The following KHDRBS2 variants were observed in gnomAD, a reference collection of about 807,000 sequenced individuals.
KHDRBS2 encodes KH RNA binding domain containing, signal transduction associated 2.
In KHDRBS2, 26 loss-of-function variants were observed where a neutral mutation model predicts 44.3. The observed-to-expected ratio is 0.59, with a 90% confidence interval of 0.43 to 0.81. KHDRBS2 has a LOEUF of 0.81. Among genes scored for constraint, KHDRBS2 ranks in the 40% least tolerant of loss-of-function variants. KHDRBS2 has a pLI of 0.00. For missense variants in KHDRBS2, 476 were observed against 433.1 expected, an observed-to-expected ratio of 1.10 and a Z score of -0.88; for synonymous variants, 194 against 151.1, an observed-to-expected ratio of 1.28 and a Z score of -2.08.
At chr6:61,619,771 T>A in the KHDRBS2 span, among the ~76,000 whole-genome samples, 1 of 152,152 alleles carries the variant, frequency 6.6e-6, no homozygotes, top group South Asian at 2.1e-4. Flanking sequence ...TTTTAATGGC[T>A]GAGTAGTATT....
intron 2 of KHDRBS2, among the ~76,000 whole-genome samples, chr6:62,113,934 ACT>A (rs1398234961): frequency 6.6e-6 from 1 of 152,084 alleles, no homozygotes; most frequent in Non-Finnish European, 1.5e-5. Flanking sequence ...GTTTTAACTG[ACT>A]CACAGTTCCG....
At chr6:61,570,937 C>T in the KHDRBS2 span, among the ~76,000 whole-genome samples, 1 of 151,888 alleles carries the variant, frequency 6.6e-6, no homozygotes, top group Non-Finnish European at 1.5e-5. Context: ...TGATACAAAA[C>T]CTTAAAATAC....
chr6:61,889,068 C>T (rs1264507151), intron 6 of KHDRBS2, among the ~76,000 whole-genome samples: 1 of 152,012 alleles, frequency 6.6e-6, no homozygotes, highest in African/African-American at 2.4e-5. Flanking sequence ...TCAAAGGGTC[C>T]ATAACTTATC....
At chr6:61,897,493 A>T (rs1803127419) in intron 5 of KHDRBS2, among the ~76,000 whole-genome samples, 1 of 152,206 alleles carries the variant, frequency 6.6e-6, no homozygotes, top group South Asian at 2.1e-4. Flanking sequence ...TTAGTTAATG[A>T]TATCATCAAT....
At chr6:61,560,455 G>A in the KHDRBS2 span, among the ~76,000 whole-genome samples, 1 of 151,878 alleles carries the variant, frequency 6.6e-6, no homozygotes, top group East Asian at 1.9e-4. Context: ...ACTCCTTTGA[G>A]GCTATTTTCT....
chr6:61,570,708 A>G, the KHDRBS2 span, among the ~76,000 whole-genome samples: 1 of 152,194 alleles, frequency 6.6e-6, no homozygotes, highest in East Asian at 1.9e-4. Flanking sequence ...CCTATCAGAT[A>G]AACAGCAGAT....
At chr6:62,066,205 A>T (rs1296720242) in intron 2 of KHDRBS2, among the ~76,000 whole-genome samples, 3 of 151,726 alleles carry the variant, frequency 2.0e-5, no homozygotes, top group East Asian at 2.0e-4. Flanking sequence ...TCAAAAGCAA[A>T]CCCTATTTTT....
chr6:62,211,357 T>C (rs958055646), intron 1 of KHDRBS2, among the ~76,000 whole-genome samples: 10 of 152,214 alleles, frequency 6.6e-5, no homozygotes, highest in African/African-American at 1.9e-4. Flanking sequence ...AGTTAATATA[T>C]ATAAATTAAC....
chr6:61,909,815 T>C (rs965651341), intron 4 of KHDRBS2, among the ~76,000 whole-genome samples: 4 of 152,230 alleles, frequency 2.6e-5, no homozygotes, highest in African/African-American at 9.6e-5. Context: ...TGCCAGGTAA[T>C]GACAGGTGTA....
At chr6:61,928,180 A>C (rs1328773289) in intron 4 of KHDRBS2, among the ~76,000 whole-genome samples, 1 of 152,158 alleles carries the variant, frequency 6.6e-6, no homozygotes, top group Admixed American at 6.5e-5. Context: ...TGTGATTGTT[A>C]TCAACTCACA....
intron 6 of KHDRBS2, among the ~76,000 whole-genome samples, chr6:61,838,091 T>G (rs1793008057): frequency 2.0e-5 from 3 of 152,042 alleles, no homozygotes; most frequent in African/African-American, 7.2e-5. Flanking sequence ...TTTAATCAAA[T>G]TCTTTCTACT....
chr6:62,075,167 A>T (rs898301924), intron 2 of KHDRBS2, among the ~76,000 whole-genome samples: 1 of 151,810 alleles, frequency 6.6e-6, no homozygotes, highest in Non-Finnish European at 1.5e-5. Flanking sequence ...TTGAAACCTA[A>T]CCTCCAAGGT....
chr6:62,206,098 T>A (rs1827916796), intron 1 of KHDRBS2, among the ~76,000 whole-genome samples: 1 of 152,178 alleles, frequency 6.6e-6, no homozygotes, highest in Admixed American at 6.6e-5. Flanking sequence ...TCATGCTATT[T>A]AAAATACTTG....
intron 1 of KHDRBS2, among the ~76,000 whole-genome samples, chr6:62,232,708 T>C (rs1563105381): frequency 1.3e-5 from 2 of 152,180 alleles, no homozygotes; most frequent in Admixed American, 6.5e-5. Context: ...TTATCTTCTT[T>C]TGTCCAGTTT....
chr6:61,612,686 TA>T, the KHDRBS2 span, among the ~76,000 whole-genome samples: 2 of 152,154 alleles, frequency 1.3e-5, no homozygotes, highest in African/African-American at 4.8e-5. Context: ...AAAATTCTAT[TA>T]ATTTATGGAC....
At chr6:61,984,536 C>T (rs546726495) in intron 3 of KHDRBS2, among the ~76,000 whole-genome samples, 26 of 152,166 alleles carry the variant, frequency 1.7e-4, no homozygotes, top group African/African-American at 6.0e-4. Flanking sequence ...ACCACAACCC[C>T]TGACTCTGGA....
chr6:62,027,945 C>T (rs1008804952), intron 3 of KHDRBS2, among the ~76,000 whole-genome samples: 13 of 151,970 alleles, frequency 8.6e-5, no homozygotes, highest in South Asian at 2.1e-4. Context: ...TTAACAAACC[C>T]GAGGAAGTCG....
At chr6:62,028,922 A>C (rs896570110) in intron 3 of KHDRBS2, among the ~76,000 whole-genome samples, 3 of 152,068 alleles carry the variant, frequency 2.0e-5, no homozygotes, top group Non-Finnish European at 4.4e-5. Flanking sequence ...AAGAAGTGAT[A>C]ATTTTTTTTC....
intron 6 of KHDRBS2, among the ~76,000 whole-genome samples, chr6:61,745,613 T>C (rs1205555472): frequency 3.9e-5 from 6 of 152,296 alleles, no homozygotes; most frequent in Admixed American, 1.3e-4. Context: ...AATGCTGTCA[T>C]GACTAAGAAC....
Sources: allele counts gnomAD v4.1 joint callset (sites outside exome capture counted in the v4.1 genomes callset), GRCh38; gene constraint gnomAD v4.1.1; transcripts MANE v1.5; gene names NCBI Gene and HGNC (gene_info 2026-07-23, HGNC 2026-07-21).